Variants in LRMDA observed in about 807,000 individuals in gnomAD.
The protein encoded by LRMDA is leucine rich melanocyte differentiation associated.
LRMDA carries 18 observed loss-of-function variants against 29.8 expected under a neutral mutation model. The ratio of observed to expected loss-of-function variants is 0.60; its 90% confidence interval spans 0.42 to 0.90. The LOEUF is 0.90. Among genes scored for constraint, LRMDA ranks in the 40% least tolerant of loss-of-function variants. The probability of loss-of-function intolerance (pLI) is 0.00; values close to 1 mark genes in which losing one functional copy is unlikely to be tolerated. For synonymous variants in LRMDA, 125 were observed against 109.4 expected (o/e 1.14, Z -0.89); for missense variants, 273 against 273.9 (o/e 1.00, Z 0.02).
At chr10:75,919,937 A>G (rs1468832301) in intron 2 of LRMDA, among the ~76,000 whole-genome samples, 1 of 151,958 alleles carries the variant, frequency 6.6e-6, no homozygotes, top group African/African-American at 2.4e-5. Context: ...ATTGTCCCTG[A>G]GTTATTAATA....
At chr10:76,355,581 T>C (rs1455752722) in intron 6 of LRMDA, among the ~76,000 whole-genome samples, 1 of 152,164 alleles carries the variant, frequency 6.6e-6, no homozygotes, top group Non-Finnish European at 1.5e-5. Flanking sequence ...TATTTAAAGT[T>C]ATTGCTGGTC....
chr10:75,598,714 T>C (rs140425944), intron 2 of LRMDA, among the ~76,000 whole-genome samples: 1 of 152,196 alleles, frequency 6.6e-6, no homozygotes, highest in Admixed American at 6.5e-5. Context: ...CCTTTCGTTC[T>C]CCTCCTTCCG....
intron 2 of LRMDA, among the ~76,000 whole-genome samples, chr10:75,612,052 A>G (rs1418956681): frequency 6.6e-6 from 1 of 152,228 alleles, no homozygotes; most frequent in African/African-American, 2.4e-5. Context: ...GAAAAGGTGA[A>G]TGGGGTTTCT....
At chr10:75,592,075 GA>G (rs1417213996) in intron 2 of LRMDA, among the ~76,000 whole-genome samples, 2 of 151,964 alleles carry the variant, frequency 1.3e-5, no homozygotes, top group African/African-American at 4.8e-5. Flanking sequence ...AGCAGAGGGA[GA>G]AAAAGCAACC....
At position 75,739,350 on chromosome 10, in the gene LRMDA, C is replaced by G. The variant is rs1459615596; in HGVS notation, c.132-296658C>G. On this transcript the variant is annotated intron_variant, in intron 2 of 6. Transcript: ENST00000611255. ...TACTTTATCATGTTTCTCCTCACCC[C>G]CTCCTCGCTCATGAATAATTAAAAA... Among the ~76,000 whole-genome samples, 7 of 152,302 alleles carry G rather than the reference C, an allele frequency of 4.6e-5. No homozygotes were observed. The East Asian group carries it at 1.2e-3, about 25-fold the overall frequency.
At chr10:75,731,950 A>G (rs929806811) in intron 2 of LRMDA, among the ~76,000 whole-genome samples, 12 of 152,254 alleles carry the variant, frequency 7.9e-5, no homozygotes, top group African/African-American at 2.9e-4. Context: ...GTGCTATAGA[A>G]GATGATTTTT....
chr10:76,440,358 T>C (rs190118646), intron 6 of LRMDA, among the ~76,000 whole-genome samples: 6 of 152,324 alleles, frequency 3.9e-5, no homozygotes, highest in African/African-American at 1.4e-4. Context: ...ATAATCTTCA[T>C]AGTCATGGTT....
intron 5 of LRMDA, among the ~76,000 whole-genome samples, chr10:76,311,136 G>A (rs1385959901): frequency 6.6e-6 from 1 of 152,134 alleles, no homozygotes; most frequent in Non-Finnish European, 1.5e-5. Context: ...CAGAACAAAA[G>A]CCAGTATTTG....
intron 6 of LRMDA, among the ~76,000 whole-genome samples, chr10:76,422,078 G>A (rs1842077225): frequency 6.6e-6 from 1 of 151,970 alleles, no homozygotes; most frequent in South Asian, 2.1e-4. Context: ...GTTTTTCAGG[G>A]TCCTCGCTGA....
At chr10:76,003,564 A>G (rs1847596994) in intron 2 of LRMDA, among the ~76,000 whole-genome samples, 1 of 152,204 alleles carries the variant, frequency 6.6e-6, no homozygotes, top group Admixed American at 6.5e-5. Flanking sequence ...AAAAAAGAAA[A>G]AGAGAGCAGG....
At chr10:75,876,788 C>CGATTAA (rs1845205613) in intron 2 of LRMDA, among the ~76,000 whole-genome samples, 5 of 152,164 alleles carry the variant, frequency 3.3e-5, no homozygotes, top group Admixed American at 3.3e-4. Context: ...TCAATAACTA[C>CGATTAA]GATTAAGTGC....
intron 2 of LRMDA, among the ~76,000 whole-genome samples, chr10:75,780,202 GTTGTT>G (rs577180548): frequency 6.6e-6 from 1 of 152,320 alleles, no homozygotes; most frequent in African/African-American, 2.4e-5. Context: ...ATAAATTTCT[GTTGTT>G]TTAAGTCATT....
intron 2 of LRMDA, among the ~76,000 whole-genome samples, chr10:75,531,824 A>C (rs1184292896): frequency 6.6e-6 from 1 of 152,046 alleles, no homozygotes; most frequent in Non-Finnish European, 1.5e-5. Context: ...CTGTAATCCC[A>C]GCACTTTGTG....
At chr10:75,669,523 T>C (rs1213657045) in intron 2 of LRMDA, among the ~76,000 whole-genome samples, 2 of 152,248 alleles carry the variant, frequency 1.3e-5, no homozygotes, top group Admixed American at 1.3e-4. Flanking sequence ...AATTATTTTG[T>C]GAATTATCAC....
chr10:75,468,102 G>A lies in LRMDA; in HGVS notation c.131+29608G>A, dbSNP rs185249096. On this transcript the variant is annotated intron_variant, in intron 2 of 6. Coordinates refer to ENST00000611255, the MANE Select transcript of LRMDA (RefSeq NM_001305581.2). ...CATGTTTCCATAACTGATCCTAATG[G>A]TTGAAGTATTAATGATGGAGCATCA... 4.6e-5 allele frequency among the ~76,000 whole-genome samples: 7 copies of A among 152,220 alleles called. No individual in the cohort carries two copies. The East Asian group carries it at 1.2e-3, about 25-fold the overall frequency.
At chr10:76,436,717 T>C (rs748580120) in intron 6 of LRMDA, among the ~76,000 whole-genome samples, 7 of 152,188 alleles carry the variant, frequency 4.6e-5, no homozygotes, top group Non-Finnish European at 7.3e-5. Context: ...TCTAAATCTG[T>C]CTTGGACGTC....
At chr10:75,919,743 G>A (rs897712507) in intron 2 of LRMDA, among the ~76,000 whole-genome samples, 2 of 152,124 alleles carry the variant, frequency 1.3e-5, no homozygotes, top group Non-Finnish European at 2.9e-5. Context: ...AGCTTTTATG[G>A]AGATGTCTGC....
At chr10:75,912,200 C>T (rs1281671942) in intron 2 of LRMDA, among the ~76,000 whole-genome samples, 1 of 152,136 alleles carries the variant, frequency 6.6e-6, no homozygotes, top group Non-Finnish European at 1.5e-5. Flanking sequence ...CATGTCCCCA[C>T]TCTCCCACTC....
In LRMDA at chr10:75,969,420, G is replaced by C. The variant is rs367808632; in HGVS notation, c.132-66588G>C. Among the ~76,000 whole-genome samples, 13 of 152,186 alleles carry C rather than the reference G, an allele frequency of 8.5e-5. No homozygotes were observed. In the East Asian group the frequency reaches 1.4e-3, roughly 16 times the overall value. The stretch of plus-strand genomic sequence containing the variant: ...TTTAATCATGTTAACAGCCATTTTT[G>C]GGTTCTCTTTCCTCCTAAGCAAGGA... On this transcript the variant is annotated intron_variant, in intron 2 of 6. Transcript: ENST00000611255.
Sources: gnomAD v4.1 joint callset for allele counts (sites outside exome capture counted in the v4.1 genomes callset) on GRCh38, gnomAD v4.1.1 for gene constraint, MANE v1.5 for transcripts, NCBI Gene and HGNC (gene_info 2026-07-23, HGNC 2026-07-21) for gene names.